Variants in ITIH3 observed in about 807,000 individuals in gnomAD.
ITIH3 encodes the protein inter-alpha-trypsin inhibitor heavy chain 3, also known as inter-alpha-trypsin inhibitor heavy chain H3.
In ITIH3, 81 loss-of-function variants were observed where a neutral mutation model predicts 96.5. The observed-to-expected ratio is 0.84, with a 90% CI of 0.70 to 1.01. The LOEUF (loss-of-function observed/expected upper bound fraction) is 1.01. ITIH3 is among the 50% of genes least tolerant of loss of function. ITIH3 has a pLI of 0.00. For synonymous variants in ITIH3, 422 were observed against 445.2 expected, an observed-to-expected ratio of 0.95 and a Z score of 0.66; for missense variants, 1,057 against 1,139.3, an observed-to-expected ratio of 0.93 and a Z score of 1.04.
intron 7 of ITIH3, 82 bp downstream of exon 7, chr3:52,799,173 C>A: frequency 1.3e-6 from 2 of 1,521,458 alleles, no homozygotes; most frequent in East Asian, 2.3e-5. Flanking sequence ...GTGCCATCAC[C>A]CTGGGTCCTC....
Position 52,799,886 on chromosome 3 carries a change from C to A in ITIH3, c.1040C>A (p.Ala347Asp). 1 of 1,613,832 alleles carries A rather than the reference C, an allele frequency of 6.2e-7. No homozygotes were observed. Among genetic ancestry groups the A allele is most frequent in the Non-Finnish European group, 8.5e-7 (1 of 1,179,792 alleles). ...GCCACGCCCGAGAACCTCCAGGAGG[C>A]CAGGACGTTTGTGAAGAGCATGGAG... Reference protein sequence around the residue: ...VQATPENLQEARTFVKSMEDK... With the variant: ...VQATPENLQEDRTFVKSMEDK... The change falls in exon 9 of 22, where the codon GCC becomes GAC. Residue 347 changes from alanine to aspartate, a missense_variant. By Grantham distance (126) the Ala-to-Asp change is moderately radical. Transcript: ENST00000449956.
Position 52,808,597 on chromosome 3 carries a change from G to A in ITIH3, c.2589G>A (p.Lys863=), listed in dbSNP as rs1488205469. The change falls in exon 22 of 22, where the codon AAG becomes AAA. Residue 863 remains lysine (K), a synonymous_variant. Coordinates refer to ENST00000449956, the MANE Select transcript of ITIH3 (RefSeq NM_002217.4). The part of the protein sequence containing the change: ...DYRKDASIGT[K]VVCWFVHNNG... ...GAAAGGATGCCAGCATCGGCACGAA[G>A]GTTGTCTGCTGGTTCGTCCACAACA... is the stretch of plus-strand genomic sequence containing the variant. 2 of 1,614,020 alleles carry A rather than the reference G, an allele frequency of 1.2e-6. No homozygotes were observed. Among genetic ancestry groups the A allele is most frequent in the Non-Finnish European group, 8.5e-7 (1 of 1,179,892 alleles).
At chr3:52,801,186 A>C (rs766263906) in intron 11 of ITIH3, 40 bp downstream of exon 11, 36 of 1,482,422 alleles carry the variant, frequency 2.4e-5, no homozygotes, top group Non-Finnish European at 3.1e-5. Flanking sequence ...TAAGGAGCTC[A>C]CTACTTCCTC....
At position 52,797,199 on chromosome 3, in the gene ITIH3, A is replaced by AT. The variant is rs768123645; in HGVS notation, c.481_482insT (p.Lys161IlefsTer16). 6.2e-7 allele frequency: 1 copy of AT among 1,609,118 alleles called. No homozygotes were observed. Among genetic ancestry groups the AT allele is most frequent in the South Asian group, 1.1e-5 (1 of 89,810 alleles). The stretch of plus-strand genomic sequence containing the variant: ...CGAGCTAACCTACGAGGAGCTGCTG[A>AT]AGAGGCACAAGGGCAAGTACGAGAT... On this transcript the variant is annotated frameshift_variant, in exon 5 of 22. Coordinates refer to ENST00000449956, the MANE Select transcript of ITIH3 (RefSeq NM_002217.4). LOFTEE classifies it high-confidence loss of function.
intron 15 of ITIH3, chr3:52,805,475 C>A: frequency 8.8e-7 from 1 of 1,135,478 alleles, no homozygotes; most frequent in Non-Finnish European, 1.1e-6. Context: ...GCCTCACTCA[C>A]CCCAACTAGG....
In ITIH3 at chr3:52,799,068, A is replaced by G. The variant is rs1323866836; in HGVS notation, c.766A>G (p.Arg256Gly). Reference protein sequence around the residue: ...GDFTITYDVNRESPGNVQIVN... With the variant: ...GDFTITYDVNGESPGNVQIVN... ...TTTCACTATCACCTATGACGTGAACAGAGAATCTCCTGGCAACGTGCAGGT... is the reference window on the plus strand; with the variant it reads ...TTTCACTATCACCTATGACGTGAACGGAGAATCTCCTGGCAACGTGCAGGT... The change falls in exon 7 of 22, where the codon AGA (arginine) becomes GGA (glycine). Residue 256 changes from arginine to glycine, a missense_variant. Physicochemically the swap from Arg to Gly is moderately radical, Grantham distance 125. Coordinates refer to ENST00000449956, the MANE Select transcript of ITIH3 (RefSeq NM_002217.4). The G allele has an allele frequency of 1.9e-6, 3 of 1,613,584 alleles. No individual in the cohort carries two copies. The South Asian group carries it at 3.3e-5, about 18-fold the overall frequency.
intron 19 of ITIH3, 105 bp downstream of exon 19, chr3:52,807,210 C>A: frequency 1.0e-6 from 1 of 986,396 alleles, no homozygotes; most frequent in Non-Finnish European, 1.5e-6. Context: ...ATGGGGGTCA[C>A]AGGAAAGATC....
At chr3:52,804,211 G>C in intron 14 of ITIH3, 2 of 600,188 alleles carry the variant, frequency 3.3e-6, no homozygotes, top group Admixed American at 3.0e-5. Context: ...GGGTGAATAG[G>C]AGCCTCTGCA....
chr3:52,807,716 C>T (rs1195918639), intron 19 of ITIH3, 31 bp from the exon 20 acceptor site: 3 of 1,589,532 alleles, frequency 1.9e-6, no homozygotes, highest in East Asian at 4.6e-5. Context: ...GCCACTGGGC[C>T]CCACAGCCAC....
At position 52,801,092 on chromosome 3, in the gene ITIH3, C is replaced by G. The variant is rs1320168766; in HGVS notation, c.1329C>G (p.Asn443Lys). 1.2e-6 allele frequency: 2 copies of G among 1,608,270 alleles called. No homozygotes were observed. Among genetic ancestry groups the G allele is most frequent in the South Asian group, 2.2e-5 (2 of 89,854 alleles). The change falls in exon 11 of 22, where the codon AAC (asparagine) becomes AAG (lysine). Residue 443 changes from asparagine to lysine, a missense_variant. Asn to Lys is a moderately conservative substitution (Grantham distance 94, BLOSUM62 0). Coordinates refer to ENST00000449956, the MANE Select transcript of ITIH3 (RefSeq NM_002217.4). ...TCCTGGAGAACATGGCCCTGGAGAA[C>G]CATGGGTTTGCCCGGCGCATTTATG... ...YNFLENMALE[N>K]HGFARRIYED...
intron 11 of ITIH3, chr3:52,802,093 CT>C (rs5848961): frequency 0.058 from 23,225 of 400,034 alleles, 2,527 homozygotes; most frequent in African/African-American, 0.33. Context: ...TTTCATATTT[CT>C]TTTTTTTTTT....
Position 52,796,629 on chromosome 3 carries a change from T to C in ITIH3, c.263T>C (p.Phe88Ser). Residue 88 changes from phenylalanine (F) to serine (S), a missense_variant, in exon 3 of 22, where the codon TTC becomes TCC. Transcript: ENST00000449956. The stretch of plus-strand genomic sequence containing the variant: ...GATGTGGAGCTGCCCAAGACGGCCT[T>C]CATCACCAACTTCACCTTGTGGGTA... Reference protein sequence around the residue: ...SFDVELPKTAFITNFTLTIDG... With the variant: ...SFDVELPKTASITNFTLTIDG... 1 of 1,612,828 alleles carries C rather than the reference T, an allele frequency of 6.2e-7. No individual in the cohort carries two copies. Among genetic ancestry groups the C allele is most frequent in the Non-Finnish European group, 8.5e-7 (1 of 1,179,228 alleles).
chr3:52,804,389 C>T (rs981040232), intron 14 of ITIH3: 5 of 434,798 alleles, frequency 1.1e-5, no homozygotes, highest in Non-Finnish European at 2.1e-5. Context: ...GGAAGAGTCC[C>T]TGAGAGCTGG....
intron 18 of ITIH3, among the ~76,000 whole-genome samples, chr3:52,806,667 C>T (rs148842005): frequency 1.3e-5 from 2 of 152,326 alleles, no homozygotes; most frequent in Non-Finnish European, 2.9e-5. Context: ...AATAGCTTTT[C>T]TCTGAACAAC....
chr3:52,799,486 C>G lies in ITIH3; in HGVS notation c.904C>G (p.Gln302Glu), dbSNP rs762870922. 3 of 1,602,228 alleles carry G rather than the reference C, an allele frequency of 1.9e-6. No individual in the cohort carries two copies. The South Asian group carries it at 3.4e-5, about 18-fold the overall frequency. Reference protein sequence around the residue: ...SGSMAGRKLEQTKEALLRILE... With the variant: ...SGSMAGRKLEETKEALLRILE... ...CTCCATGGCTGGTCGGAAATTAGAG[C>G]AGGTAATCAGCACCAGTGGCACAGC... The change falls in exon 8 of 22, where the codon CAG becomes GAG. Residue 302 changes from glutamine to glutamate, a missense_variant and splice_region_variant. Transcript: ENST00000449956.
chr3:52,799,275 T>A, intron 7 of ITIH3, 97 bp from the exon 8 acceptor site: 2 of 1,200,380 alleles, frequency 1.7e-6, no homozygotes, highest in Non-Finnish European at 1.2e-6. Flanking sequence ...GAACGTCTTT[T>A]TCTTGGGCTG....
Position 52,797,108 on chromosome 3 carries a change from C to G in ITIH3, c.390C>G (p.Ala130=), listed in dbSNP as rs755769671. The change falls in exon 5 of 22, where the codon GCC becomes GCG. Residue 130 remains alanine (A), a synonymous_variant. Transcript: ENST00000449956. The part of the protein sequence containing the change: ...SQGKTAGLVK[A]SGRKLEKFTV... ...CACCATCTCGCACCCTGGTCAGGGCCTCTGGGAGGAAGTTGGAGAAGTTCA... is the reference window on the plus strand; with the variant it reads ...CACCATCTCGCACCCTGGTCAGGGCGTCTGGGAGGAAGTTGGAGAAGTTCA... 1 of 1,608,508 alleles carries G rather than the reference C, an allele frequency of 6.2e-7. No individual in the cohort carries two copies. Among genetic ancestry groups the G allele is most frequent in the Admixed American group, 1.7e-5 (1 of 59,430 alleles).
At chr3:52,808,483 C>A in intron 21 of ITIH3, 69 bp from the exon 22 acceptor site, 18 of 1,580,828 alleles carry the variant, frequency 1.1e-5, no homozygotes, top group Admixed American at 5.1e-5. Context: ...CTTTTTCAAT[C>A]TCAGGTCCGC....
At chr3:52,804,926 G>C in intron 15 of ITIH3, 192 bp downstream of exon 15, 1 of 647,478 alleles carries the variant, frequency 1.5e-6, no homozygotes, top group South Asian at 1.9e-5. Flanking sequence ...GAGTTAATTG[G>C]GGGTGGCTTC....
Sources: allele counts gnomAD v4.1 joint callset (sites outside exome capture counted in the v4.1 genomes callset), GRCh38; gene constraint gnomAD v4.1.1; transcripts MANE v1.5; gene names NCBI Gene and HGNC (gene_info 2026-07-23, HGNC 2026-07-21).